KIF3C: variants seen among roughly 807,000 people sequenced by gnomAD.
KIF3C encodes kinesin-like protein KIF3C.
KIF3C carries 12 observed loss-of-function variants against 67.7 expected under a neutral mutation model. That is an observed-to-expected ratio of 0.18 (90% CI 0.11 to 0.29). The LOEUF is 0.29. Among genes scored for constraint, KIF3C ranks in the 10% least tolerant of loss-of-function variants. The probability of loss-of-function intolerance (pLI) is 1.00; values close to 1 mark genes in which losing one functional copy is unlikely to be tolerated. For missense variants in KIF3C, 789 were observed against 1,059.6 expected (o/e 0.74, Z 3.55); for synonymous variants, 393 against 426.2 (o/e 0.92, Z 0.96).
chr2:25,959,488 T>C (rs964375791), intron 1 of KIF3C, among the ~76,000 whole-genome samples: 2 of 151,822 alleles, frequency 1.3e-5, no homozygotes, highest in African/African-American at 4.8e-5. Context: ...CTCTCTTTTT[T>C]TTCTGCAGTG....
intron 1 of KIF3C, among the ~76,000 whole-genome samples, chr2:25,964,284 ACT>A (rs1664085279): frequency 6.6e-6 from 1 of 152,092 alleles, no homozygotes; most frequent in African/African-American, 2.4e-5. Flanking sequence ...ACAGAGCAAG[ACT>A]CTGTCTCAAA....
chr2:25,973,148 C>A (rs1174163829), intron 1 of KIF3C, among the ~76,000 whole-genome samples: 2 of 152,192 alleles, frequency 1.3e-5, no homozygotes, highest in Non-Finnish European at 2.9e-5. Flanking sequence ...GGTTCAACGG[C>A]TTTCCTGATA....
chr2:25,961,035 G>A (rs1348203314), intron 1 of KIF3C, among the ~76,000 whole-genome samples: 1 of 152,248 alleles, frequency 6.6e-6, no homozygotes, highest in Non-Finnish European at 1.5e-5. Context: ...GGGCTGTGGT[G>A]ACTCCTTTAG....
intron 5 of KIF3C, among the ~76,000 whole-genome samples, chr2:25,936,289 C>T (rs1360330788): frequency 6.6e-6 from 1 of 152,110 alleles, no homozygotes; most frequent in Non-Finnish European, 1.5e-5. Context: ...GATCCCCCAG[C>T]CTCAGTGTCC....
chr2:25,943,121 G>A (rs1663339347), intron 5 of KIF3C, among the ~76,000 whole-genome samples: 2 of 152,186 alleles, frequency 1.3e-5, no homozygotes, highest in African/African-American at 4.8e-5. Context: ...TGAGCAAATG[G>A]AACAACGCCC....
rs968037593 is a variant in KIF3C, at chr2:25,958,044, C to T, written c.1546-1600G>A. 5.3e-5 allele frequency among the ~76,000 whole-genome samples: 8 copies of T among 152,090 alleles called. No individual in the cohort carries two copies. The highest frequency in any genetic ancestry group is 4.1e-4 in the South Asian group (2 of 4,830). On this transcript the variant is annotated intron_variant, in intron 1 of 7. Coordinates refer to ENST00000264712, the MANE Select transcript of KIF3C (RefSeq NM_002254.8). The surrounding 1 kb of genome is among the most constrained non-coding windows in gnomAD (Gnocchi z 4.5). ...AGAATCCCTTACACTGCATCCTCAGCGACTCACCTGCCTCGCCTCATCCCT... is the reference window on the plus strand; with the variant it reads ...AGAATCCCTTACACTGCATCCTCAGTGACTCACCTGCCTCGCCTCATCCCT...
intron 5 of KIF3C, among the ~76,000 whole-genome samples, chr2:25,943,864 TAA>T (rs1404218370): frequency 7.1e-6 from 1 of 141,488 alleles, no homozygotes. Context: ...AAATTCTATC[TAA>T]AAAAAAAAAA....
At chr2:25,953,724 G>A (rs1663717407) in intron 4 of KIF3C, among the ~76,000 whole-genome samples, 1 of 142,396 alleles carries the variant, frequency 7.0e-6, no homozygotes, top group Admixed American at 7.3e-5. Flanking sequence ...AGGCTGGATT[G>A]CAGTGGCATG....
chr2:25,981,086 TGCCTCCACC>T lies in KIF3C; in HGVS notation c.823_831del (p.Gly275_Gly277del), dbSNP rs1452317475. Reference sequence around the variant, plus strand: ...CTCTCTCCACCAGCACCACCACCACTGCCTCCACCGCCACCACCGCCACCCGAGGATGGT... The same window carrying T: ...CTCTCTCCACCAGCACCACCACCACTGCCACCACCGCCACCCGAGGATGGT... On this transcript the variant is annotated inframe_deletion, in exon 1 of 8. Coordinates refer to ENST00000264712, the MANE Select transcript of KIF3C (RefSeq NM_002254.8). The surrounding 1 kb of genome is among the most constrained non-coding windows in gnomAD (Gnocchi z 8.2). The T allele has an allele frequency of 3.1e-6, 5 of 1,614,122 alleles. No homozygotes were observed. The highest frequency in any genetic ancestry group is 3.4e-6 in the Non-Finnish European group (4 of 1,179,988).
At chr2:25,961,734 T>C (rs1412235027) in intron 1 of KIF3C, among the ~76,000 whole-genome samples, 1 of 152,190 alleles carries the variant, frequency 6.6e-6, no homozygotes, top group Non-Finnish European at 1.5e-5. Flanking sequence ...TTGGGAGTAC[T>C]GTGTGTAGTT....
At chr2:25,936,266 C>T (rs534810137) in intron 5 of KIF3C, among the ~76,000 whole-genome samples, 14 of 152,120 alleles carry the variant, frequency 9.2e-5, no homozygotes, top group Non-Finnish European at 1.8e-4. Flanking sequence ...GTCTCAAACT[C>T]CTGGCCTCAA....
chr2:25,964,324 T>C (rs1664086354), intron 1 of KIF3C, among the ~76,000 whole-genome samples: 1 of 152,082 alleles, frequency 6.6e-6, no homozygotes, highest in African/African-American at 2.4e-5. Context: ...AAAATAAAAA[T>C]AAACATTTGT....
Position 25,980,798 on chromosome 2 carries a change from C to T in KIF3C, c.1120G>A (p.Asp374Asn), listed in dbSNP as rs1037078074. The change falls in exon 1 of 8, where the codon GAC (aspartate) becomes AAC (asparagine). Residue 374 changes from aspartate (D) to asparagine (N), a missense_variant. Physicochemically the swap from Asp to Asn is conservative, Grantham distance 23 (BLOSUM62 1). This residue lies in a region of KIF3C where 648 missense variants were observed against 807.8 expected (regional missense o/e 0.80). Transcript: ENST00000264712. This position sits in a 1 kb window ranked among gnomAD's most constrained non-coding sequence, Gnocchi z 7.6. ...TCCCGCAGCAGTGTGTCCTTGGGGT[C>T]CTCGTTCACCCGGGGCTTGTTCTTG... ...NIKNKPRVNE[D>N]PKDTLLREFQ... is the part of the protein sequence containing the mutation. The T allele has an allele frequency of 6.2e-7, 1 of 1,614,192 alleles. No individual in the cohort carries two copies. Among genetic ancestry groups the T allele is most frequent in the African/African-American group, 1.3e-5 (1 of 75,050 alleles).
At chr2:25,936,034 C>G (rs1476282611) in intron 5 of KIF3C, among the ~76,000 whole-genome samples, 2 of 151,736 alleles carry the variant, frequency 1.3e-5, no homozygotes, top group Admixed American at 1.3e-4. Context: ...TTGTAGTGAG[C>G]CAACATCACG....
chr2:25,944,477 A>C (rs912781327), intron 5 of KIF3C, among the ~76,000 whole-genome samples: 3 of 151,872 alleles, frequency 2.0e-5, no homozygotes, highest in African/African-American at 7.3e-5. Flanking sequence ...CAGCCTCCCA[A>C]GTAGCTGGGA....
chr2:25,971,249 G>C (rs1664276848), intron 1 of KIF3C, among the ~76,000 whole-genome samples: 1 of 146,778 alleles, frequency 6.8e-6, no homozygotes, highest in African/African-American at 2.5e-5. Flanking sequence ...TCCAGCTTGG[G>C]TGACAGAGCA....
At chr2:25,974,073 T>C (rs1301082191) in intron 1 of KIF3C, among the ~76,000 whole-genome samples, 1 of 152,200 alleles carries the variant, frequency 6.6e-6, no homozygotes, top group African/African-American at 2.4e-5. Flanking sequence ...TGTTTAATTC[T>C]CTTTTTTTCT....
rs1664529862 is a variant in KIF3C at position 25,980,318 on chromosome 2, T to G, written c.1545+55A>C. Reference sequence around the variant, plus strand: ...ACAGACTCTCAAAGAAGAGCCTCCTTGCCGGGATCCCCTGCGGGGACATCT... The same window carrying G: ...ACAGACTCTCAAAGAAGAGCCTCCTGGCCGGGATCCCCTGCGGGGACATCT... On this transcript the variant is annotated intron_variant, in intron 1 of 7. Coordinates refer to ENST00000264712, the MANE Select transcript of KIF3C (RefSeq NM_002254.8). This position sits in a 1 kb window ranked among gnomAD's most constrained non-coding sequence, Gnocchi z 7.6. The G allele has an allele frequency of 7.0e-7, 1 of 1,438,520 alleles. No homozygotes were observed. The highest frequency in any genetic ancestry group is 1.4e-5 in the African/African-American group (1 of 70,812). 89.1% of individuals were successfully genotyped at this position (1,438,520 alleles called of 1,614,324 possible). A position where few individuals can be genotyped will look rare whatever the true frequency, so the allele number is the denominator to read the frequency against.
Position 25,981,785 on chromosome 2 carries a change from G to A in KIF3C, c.133C>T (p.Arg45Trp). ...MDVKLGQVTL[R>W]NPRAAPGELP... is the part of the protein sequence containing the mutation. ...TCCCCCGGGGCGGCGCGGGGGTTCC[G>A]CAGGGTCACCTGGCCCAGTTTCACG... The change falls in exon 1 of 8, where the codon CGG becomes TGG. Residue 45 changes from arginine (R) to tryptophan (W), a missense_variant. Physicochemically the swap from Arg to Trp is moderately radical, Grantham distance 101. This residue lies in a region of KIF3C where 141 missense variants were observed against 251.8 expected (regional missense o/e 0.56). Coordinates refer to ENST00000264712, the MANE Select transcript of KIF3C (RefSeq NM_002254.8). The surrounding 1 kb of genome is among the most constrained non-coding windows in gnomAD (Gnocchi z 8.2). 2 of 1,613,376 alleles carry A rather than the reference G, an allele frequency of 1.2e-6. No individual in the cohort carries two copies. The highest frequency in any genetic ancestry group is 1.7e-6 in the Non-Finnish European group (2 of 1,179,688).
Sources: allele counts gnomAD v4.1 joint callset (sites outside exome capture counted in the v4.1 genomes callset), GRCh38; gene constraint gnomAD v4.1.1; regional missense constraint gnomAD v4.1.1; non-coding constraint Gnocchi (gnomAD v3.1); transcripts MANE v1.5; gene names NCBI Gene and HGNC (gene_info 2026-07-23, HGNC 2026-07-21).